OPHN1: variants seen among roughly 807,000 people sequenced by gnomAD.
The protein encoded by OPHN1 is oligophrenin-1.
A neutral mutation model predicts 60.7 loss-of-function variants in OPHN1; 11 were observed. The ratio of observed to expected loss-of-function variants is 0.18; its 90% confidence interval spans 0.11 to 0.30. The LOEUF (loss-of-function observed/expected upper bound fraction) is 0.30. Ranked by LOEUF, OPHN1 falls within the 10% of genes least tolerant of loss-of-function variation. The pLI, the probability that OPHN1 is intolerant of heterozygous loss-of-function variation, is 1.00. For missense variants in OPHN1, 449 were observed against 611.0 expected (o/e 0.73, Z 2.80); for synonymous variants, 226 against 222.6 (o/e 1.02, Z -0.14).
chrX:68,220,429 C>T (rs1365765417), intron 6 of OPHN1, among the ~76,000 whole-genome samples: 3 of 111,040 alleles, frequency 2.7e-5, no homozygotes, highest in Non-Finnish European at 3.8e-5. Context: ...TAACTCATTT[C>T]ATGAGGCCAG....
intron 2 of OPHN1, among the ~76,000 whole-genome samples, chrX:68,345,148 G>A (rs1377618881): frequency 8.9e-6 from 1 of 112,341 alleles, no homozygotes; most frequent in African/African-American, 3.2e-5. Flanking sequence ...AGAAGCACTC[G>A]AAGTAGAAGA....
chrX:68,262,408 T>C (rs1029743493), intron 5 of OPHN1, among the ~76,000 whole-genome samples: 1 of 112,137 alleles, frequency 8.9e-6, no homozygotes, highest in African/African-American at 3.2e-5. Flanking sequence ...AAAGTTAGCA[T>C]TAATTATTTT....
intron 19 of OPHN1, among the ~76,000 whole-genome samples, chrX:68,083,221 C>T (rs1322223329): frequency 9.6e-6 from 1 of 103,908 alleles, no homozygotes; most frequent in East Asian, 3.0e-4. Context: ...TACAGGCGCC[C>T]GCCACTGCGC....
intron 15 of OPHN1, among the ~76,000 whole-genome samples, chrX:68,173,875 A>G (rs2147425524): frequency 9.0e-6 from 1 of 111,556 alleles, no homozygotes; most frequent in African/African-American, 3.3e-5. Context: ...TATAGAGTGT[A>G]ATTTTATTTC....
At chrX:68,232,656 G>A (rs779945403) in intron 6 of OPHN1, among the ~76,000 whole-genome samples, 58 of 111,580 alleles carry the variant, frequency 5.2e-4, no homozygotes, top group Non-Finnish European at 9.6e-4. Context: ...TACCCATTAA[G>A]GGAAACTTCT....
At chrX:68,358,137 A>T (rs1226456968) in intron 2 of OPHN1, among the ~76,000 whole-genome samples, 3 of 107,493 alleles carry the variant, frequency 2.8e-5, no homozygotes, top group Non-Finnish European at 3.8e-5. Flanking sequence ...CTAAAAAAAA[A>T]AAAATAATAA....
chrX:68,339,482 T>C (rs1366629844), intron 2 of OPHN1, among the ~76,000 whole-genome samples: 2 of 112,124 alleles, frequency 1.8e-5, no homozygotes, highest in Non-Finnish European at 3.8e-5. Flanking sequence ...TATTTGTATA[T>C]GCAGATGACA....
At chrX:68,094,761 C>G (rs1461255263) in intron 19 of OPHN1, among the ~76,000 whole-genome samples, 1 of 111,269 alleles carries the variant, frequency 9.0e-6, no homozygotes, top group Non-Finnish European at 1.9e-5. Flanking sequence ...TCCATTATCT[C>G]TTCGAGCCCA....
At chrX:68,115,607 G>A (rs746481815) in intron 16 of OPHN1, among the ~76,000 whole-genome samples, 4 of 112,160 alleles carry the variant, frequency 3.6e-5, no homozygotes, top group Non-Finnish European at 7.5e-5. Flanking sequence ...TGCTTTGTGT[G>A]CAGCATTGAG....
At chrX:68,327,069 G>A (rs1229252846) in intron 2 of OPHN1, among the ~76,000 whole-genome samples, 91 of 36,307 alleles carry the variant, frequency 2.5e-3, no homozygotes, top group Non-Finnish European at 3.3e-3. Context: ...CCCTATCCAG[G>A]AGGTGAGGGG....
chrX:68,412,089 T>C (rs1368505203), intron 2 of OPHN1, among the ~76,000 whole-genome samples: 1 of 111,186 alleles, frequency 9.0e-6, no homozygotes, highest in Non-Finnish European at 1.9e-5. Context: ...AGAGAATAGA[T>C]GGTGAATGTT....
chrX:68,300,264 C>T (rs1172471100), intron 2 of OPHN1, among the ~76,000 whole-genome samples: 2 of 111,940 alleles, frequency 1.8e-5, no homozygotes, highest in Non-Finnish European at 3.8e-5. Flanking sequence ...GGAGACAAGG[C>T]AAGCAACCAC....
chrX:68,379,646 T>C (rs1331982398), intron 2 of OPHN1, among the ~76,000 whole-genome samples: 2 of 109,302 alleles, frequency 1.8e-5, no homozygotes, highest in African/African-American at 3.4e-5. Flanking sequence ...TGAAGGGCTG[T>C]TGAATTTTGT....
Position 68,115,829 on chromosome X carries a change from T to C in OPHN1, c.1362-2590A>G, listed in dbSNP as rs765617750. ...ATTCTGAGCCAACTATGAGTGACCA[T>C]GGCCTGTGACACAGCCCTCAGGAGG... On this transcript the variant is annotated intron_variant, in intron 16 of 24. Coordinates refer to ENST00000355520, the MANE Select transcript of OPHN1 (RefSeq NM_002547.3). Among the ~76,000 whole-genome samples, 374 of 112,111 alleles carry C rather than the reference T, an allele frequency of 3.3e-3. 3 individuals are homozygous for C. Among genetic ancestry groups the C allele is most frequent in the African/African-American group, 0.012 (365 of 30,848 alleles).
intron 2 of OPHN1, among the ~76,000 whole-genome samples, chrX:68,302,204 G>T (rs1484423263): frequency 8.9e-6 from 1 of 112,202 alleles, no homozygotes; most frequent in Non-Finnish European, 1.9e-5. Flanking sequence ...TCATGCACAA[G>T]CCTCTTCAGG....
At chrX:68,407,031 C>T (rs749351023) in intron 2 of OPHN1, among the ~76,000 whole-genome samples, 17 of 111,786 alleles carry the variant, frequency 1.5e-4, no homozygotes, top group African/African-American at 5.2e-4. Flanking sequence ...TGGTGAAACC[C>T]GGTCTCTACT....
At chrX:68,158,652 C>T (rs1465188371) in intron 15 of OPHN1, among the ~76,000 whole-genome samples, 4 of 112,165 alleles carry the variant, frequency 3.6e-5, no homozygotes, top group African/African-American at 9.7e-5. Context: ...GAGCCACAAC[C>T]TGCTCCCTCC....
At chrX:68,195,682 T>TGCC (rs1282289776) in intron 12 of OPHN1, among the ~76,000 whole-genome samples, 4 of 112,211 alleles carry the variant, frequency 3.6e-5, no homozygotes, top group Non-Finnish European at 5.6e-5. Context: ...GCCCTCTATA[T>TGCC]GCCATCTGTT....
intron 3 of OPHN1, among the ~76,000 whole-genome samples, chrX:68,293,244 C>A (rs761091585): frequency 8.9e-6 from 1 of 112,250 alleles, no homozygotes; most frequent in African/African-American, 3.2e-5. Flanking sequence ...GAAAAAAATA[C>A]CAACAAAAGC....
Sources: allele counts gnomAD v4.1 joint callset (sites outside exome capture counted in the v4.1 genomes callset), GRCh38; gene constraint gnomAD v4.1.1; transcripts MANE v1.5; gene names NCBI Gene and HGNC (gene_info 2026-07-23, HGNC 2026-07-21).